Variants in TRAPPC9 observed in about 807,000 individuals in gnomAD.
TRAPPC9 encodes IKK2 binding protein.
A neutral mutation model predicts 124.0 loss-of-function variants in TRAPPC9; 83 were observed. The ratio of observed to expected loss-of-function variants is 0.67; its 90% CI spans 0.56 to 0.80. The LOEUF is 0.80. Ranked by LOEUF, TRAPPC9 falls within the 30% of genes least tolerant of loss-of-function variation. The pLI is 0.00. For missense variants in TRAPPC9, 1,302 were observed against 1,508.3 expected (o/e 0.86, Z 2.27); for synonymous variants, 638 against 617.5 (o/e 1.03, Z -0.49).
chr8:140,134,015 G>A (rs988114658), intron 17 of TRAPPC9, among the ~76,000 whole-genome samples: 1 of 151,526 alleles, frequency 6.6e-6, no homozygotes, highest in African/African-American at 2.4e-5. Flanking sequence ...AATTCCAACA[G>A]CTTATTTTTT....
chr8:139,798,817 G>T (rs1266846164), intron 21 of TRAPPC9, among the ~76,000 whole-genome samples: 1 of 152,190 alleles, frequency 6.6e-6, no homozygotes, highest in Non-Finnish European at 1.5e-5. Flanking sequence ...TAAAACAACA[G>T]AAATGTATTC....
At chr8:140,180,466 CA>C (rs1433020950) in intron 17 of TRAPPC9, among the ~76,000 whole-genome samples, 1 of 151,896 alleles carries the variant, frequency 6.6e-6, no homozygotes, top group Non-Finnish European at 1.5e-5. Context: ...CGTAAAAATT[CA>C]AAAATAAATT....
At chr8:139,926,391 G>A (rs1832817670) in intron 19 of TRAPPC9, among the ~76,000 whole-genome samples, 1 of 152,134 alleles carries the variant, frequency 6.6e-6, no homozygotes, top group African/African-American at 2.4e-5. Flanking sequence ...CAACAGGAAC[G>A]AGATCGATTC....
chr8:140,012,394 A>G (rs986163336), intron 18 of TRAPPC9, among the ~76,000 whole-genome samples: 19 of 152,230 alleles, frequency 1.2e-4, no homozygotes, highest in African/African-American at 4.6e-4. Context: ...GGAGACACAG[A>G]AAAGACACTG....
At chr8:140,368,922 G>A (rs920046789) in intron 8 of TRAPPC9, among the ~76,000 whole-genome samples, 9 of 152,136 alleles carry the variant, frequency 5.9e-5, no homozygotes, top group Non-Finnish European at 1.0e-4. Context: ...ATATCACAGT[G>A]TTCTCAGCCA....
intron 17 of TRAPPC9, among the ~76,000 whole-genome samples, chr8:140,165,994 C>A (rs1434674937): frequency 1.3e-5 from 2 of 152,182 alleles, no homozygotes; most frequent in East Asian, 3.9e-4. Flanking sequence ...AGCCAGGGTG[C>A]CCTGACTGTC....
chr8:140,397,887 T>G, intron 6 of TRAPPC9, 142 bp from the exon 7 acceptor site: 1 of 1,116,854 alleles, frequency 9.0e-7, no homozygotes, highest in Non-Finnish European at 1.3e-6. Context: ...CTGATATGGT[T>G]TGGTTCTGTG....
At chr8:140,430,395 C>A (rs1024689369) in intron 4 of TRAPPC9, among the ~76,000 whole-genome samples, 11 of 152,172 alleles carry the variant, frequency 7.2e-5, no homozygotes, top group African/African-American at 1.4e-4. Flanking sequence ...CATTCCTCCC[C>A]CACCCAAGTG....
chr8:140,286,060 G>A (rs544157888), intron 13 of TRAPPC9, among the ~76,000 whole-genome samples: 33 of 152,342 alleles, frequency 2.2e-4, no homozygotes, highest in African/African-American at 7.0e-4. Flanking sequence ...GGAGGCCACC[G>A]CACAGGGGCC....
chr8:139,928,265 G>A (rs1832924537), intron 19 of TRAPPC9, among the ~76,000 whole-genome samples: 1 of 152,180 alleles, frequency 6.6e-6, no homozygotes, highest in Non-Finnish European at 1.5e-5. Flanking sequence ...GCTGAGGCAG[G>A]TGAATCACCT....
At chr8:140,225,254 A>T (rs1237746977) in intron 16 of TRAPPC9, among the ~76,000 whole-genome samples, 1 of 152,176 alleles carries the variant, frequency 6.6e-6, no homozygotes, top group East Asian at 1.9e-4. Context: ...TGCAGGCTCT[A>T]ACAAATTGTA....
chr8:140,386,790 T>G (rs1294056951), intron 7 of TRAPPC9, among the ~76,000 whole-genome samples: 1 of 152,182 alleles, frequency 6.6e-6, no homozygotes, highest in Admixed American at 6.5e-5. Flanking sequence ...TACCAATGAC[T>G]TTCTTCACAG....
chr8:139,940,154 C>A (rs1833815343), intron 19 of TRAPPC9, among the ~76,000 whole-genome samples: 1 of 152,184 alleles, frequency 6.6e-6, no homozygotes, highest in Non-Finnish European at 1.5e-5. Context: ...CTTACAGGAT[C>A]CGCCACGGCC....
chr8:139,989,791 C>A (rs1587427558), intron 18 of TRAPPC9, among the ~76,000 whole-genome samples: 1 of 152,174 alleles, frequency 6.6e-6, no homozygotes, highest in African/African-American at 2.4e-5. Flanking sequence ...AAAGTCCAGC[C>A]CCAAACGCGC....
intron 4 of TRAPPC9, among the ~76,000 whole-genome samples, chr8:140,429,149 C>T (rs112455903): frequency 0.024 from 3,689 of 151,578 alleles, 150 homozygotes; most frequent in African/African-American, 0.081. Context: ...TGGCACAATC[C>T]TGGCTCACTG....
rs181277719 is a variant in TRAPPC9 at position 139,756,325 on chromosome 8, G to T, written c.3056-24123C>A. ...AGGAGGAGCCAGGGATTGGGGATGA[G>T]GACAGCATGTCGCAGGAGGAGCCAG... On this transcript the variant is annotated intron_variant, in intron 21 of 22. Transcript: ENST00000438773. 1.4e-3 allele frequency among the ~76,000 whole-genome samples: 199 copies of T among 141,800 alleles called. 2 individuals are homozygous for T. Among genetic ancestry groups the T allele is most frequent in the African/African-American group, 5.3e-3 (188 of 35,282 alleles). 93.0% of individuals were successfully genotyped at this position (141,800 alleles called of 152,430 possible). A position where few individuals can be genotyped will look rare whatever the true frequency, so the allele number is the denominator to read the frequency against.
intron 17 of TRAPPC9, among the ~76,000 whole-genome samples, chr8:140,050,672 A>T (rs970724275): frequency 1.3e-5 from 2 of 152,134 alleles, no homozygotes; most frequent in Non-Finnish European, 2.9e-5. Flanking sequence ...TGCTCATGAA[A>T]TGTCTATGGA....
chr8:140,003,601 CAAAAAAAA>C (rs58826807), intron 18 of TRAPPC9, among the ~76,000 whole-genome samples: 17,630 of 91,488 alleles, frequency 0.19, 1,171 homozygotes, highest in Middle Eastern at 0.24. Context: ...GACCCTGTCA[CAAAAAAAA>C]AAAAAAAAAA....
intron 5 of TRAPPC9, among the ~76,000 whole-genome samples, chr8:140,417,246 G>GA (rs2069967716): frequency 6.6e-6 from 1 of 152,028 alleles, no homozygotes; most frequent in African/African-American, 2.4e-5. Context: ...TTCTACACAG[G>GA]AAAAGAAACT....
Sources: gnomAD v4.1 joint callset for allele counts (sites outside exome capture counted in the v4.1 genomes callset) on GRCh38, gnomAD v4.1.1 for gene constraint, MANE v1.5 for transcripts, NCBI Gene and HGNC (gene_info 2026-07-23, HGNC 2026-07-21) for gene names.